The following PKHD1 variants were observed in gnomAD, a reference collection of about 807,000 sequenced individuals.
PKHD1 encodes the protein PKHD1 ciliary IPT domain containing fibrocystin/polyductin.
A neutral mutation model predicts 412.0 loss-of-function variants in PKHD1; 291 were observed. The observed-to-expected ratio is 0.71, with a 90% CI of 0.64 to 0.78. The LOEUF (loss-of-function observed/expected upper bound fraction) is 0.78. Ranked by LOEUF, PKHD1 falls within the 30% of genes least tolerant of loss-of-function variation. PKHD1 has a pLI of 0.00. For missense variants in PKHD1, 4,825 were observed against 4,950.7 expected, an observed-to-expected ratio of 0.97 and a Z score of 0.76; for synonymous variants, 1,777 against 1,821.5, an observed-to-expected ratio of 0.98 and a Z score of 0.62.
chr6:51,931,144 C>A (rs1786508679), intron 37 of PKHD1, among the ~76,000 whole-genome samples: 1 of 152,084 alleles, frequency 6.6e-6, no homozygotes, highest in African/African-American at 2.4e-5. Context: ...CCACTTGAAC[C>A]AGTGTTTCTC....
chr6:51,645,608 G>A (rs1769992436), intron 63 of PKHD1, among the ~76,000 whole-genome samples: 1 of 152,084 alleles, frequency 6.6e-6, no homozygotes, highest in Non-Finnish European at 1.5e-5. Context: ...TGGCCAGGCT[G>A]GTCTCAAATG....
chr6:52,020,519 T>A (rs928143607), intron 33 of PKHD1, among the ~76,000 whole-genome samples: 1 of 152,232 alleles, frequency 6.6e-6, no homozygotes, highest in Non-Finnish European at 1.5e-5. Flanking sequence ...TCTGATTCAG[T>A]AGGGCCCAAG....
chr6:51,940,320 G>A (rs914747816), intron 36 of PKHD1, among the ~76,000 whole-genome samples: 4 of 151,692 alleles, frequency 2.6e-5, no homozygotes, highest in Non-Finnish European at 5.9e-5. Flanking sequence ...AAGTAGCAAT[G>A]TATTTCTGAG....
chr6:52,042,908 A>G lies in PKHD1; in HGVS notation c.3048T>C (p.Asn1016=), dbSNP rs138989655. The G allele has an allele frequency of 2.7e-4, 428 of 1,613,984 alleles. 1 individual carries two copies. The Middle Eastern group carries it at 3.0e-3, about 11-fold the overall frequency. The change falls in exon 27 of 67, where the codon AAT becomes AAC. Residue 1016 remains asparagine, a synonymous_variant. Transcript: ENST00000371117. The stretch of plus-strand genomic sequence containing the variant: ...CCACCATATCCAGTCTAGGTTTCAC[A>G]TTTAGGAAGAGGTCTTCTCCAGTGG... ...ISATGEDLFL[N]VKPRLDMVEP...
At position 52,054,024 on chromosome 6, in the gene PKHD1, C is replaced by A; in HGVS notation, c.1964+14G>T. Reference sequence around the variant, plus strand: ...TGACTGAATTCCCACCACGCCTCCCCACCGATTAGCTACCTCTCGGGGCTG... The same window carrying A: ...TGACTGAATTCCCACCACGCCTCCCAACCGATTAGCTACCTCTCGGGGCTG... On this transcript the variant is annotated intron_variant, in intron 20 of 66. Coordinates refer to ENST00000371117, the MANE Select transcript of PKHD1 (RefSeq NM_138694.4). The A allele has an allele frequency of 6.2e-6, 10 of 1,613,768 alleles. No individual in the cohort carries two copies. The highest frequency in any genetic ancestry group is 8.5e-6 in the Non-Finnish European group (10 of 1,179,756).
rs1351918391 is a variant in PKHD1, at chr6:51,753,200, C to T, written c.8950+1G>A. 5 of 1,613,306 alleles carry T rather than the reference C, an allele frequency of 3.1e-6. No homozygotes were observed. The highest frequency in any genetic ancestry group is 4.2e-6 in the Non-Finnish European group (5 of 1,179,430). The stretch of plus-strand genomic sequence containing the variant: ...GGCCAATTACTTAAAATTTCATTTA[C>T]CTGAAAATTCTTCTCGGCTGGACTT... On this transcript the variant is annotated splice_donor_variant, in intron 57 of 66. Coordinates refer to ENST00000371117, the MANE Select transcript of PKHD1 (RefSeq NM_138694.4). LOFTEE classifies it high-confidence loss of function.
intron 33 of PKHD1, among the ~76,000 whole-genome samples, chr6:52,020,886 G>C (rs1352290609): frequency 6.8e-6 from 1 of 147,346 alleles, no homozygotes; most frequent in Admixed American, 6.9e-5. Context: ...TTTGACATTT[G>C]ATGTCCATTA....
chr6:51,677,713 T>C (rs1776066528), intron 60 of PKHD1, among the ~76,000 whole-genome samples: 1 of 152,180 alleles, frequency 6.6e-6, no homozygotes, highest in South Asian at 2.1e-4. Flanking sequence ...TATCTCAAAA[T>C]ATTTGTTCTC....
intron 52 of PKHD1, among the ~76,000 whole-genome samples, chr6:51,810,918 T>C (rs1186162116): frequency 6.6e-6 from 1 of 152,228 alleles, no homozygotes; most frequent in Non-Finnish European, 1.5e-5. Context: ...AGATTATTTT[T>C]CCTGATATTC....
At chr6:51,698,159 G>A (rs1037041201) in intron 60 of PKHD1, among the ~76,000 whole-genome samples, 2 of 152,148 alleles carry the variant, frequency 1.3e-5, no homozygotes, top group African/African-American at 4.8e-5. Flanking sequence ...AACAGGAAGA[G>A]GCTGATTTGC....
At chr6:51,855,640 C>T (rs538603067) in intron 49 of PKHD1, among the ~76,000 whole-genome samples, 1 of 152,228 alleles carries the variant, frequency 6.6e-6, no homozygotes, top group East Asian at 1.9e-4. Context: ...AATTTTCAGG[C>T]GTAACCATTC....
At chr6:51,894,181 G>T (rs909963040) in intron 43 of PKHD1, among the ~76,000 whole-genome samples, 3 of 152,200 alleles carry the variant, frequency 2.0e-5, no homozygotes, top group African/African-American at 7.2e-5. Flanking sequence ...AGGGAAGACA[G>T]CCTGAGGGTG....
In PKHD1 at chr6:52,084,185, T is replaced by C. The variant is rs117547473; in HGVS notation, c.52+697A>G. Among the ~76,000 whole-genome samples the C allele has an allele frequency of 4.3e-4, 66 of 152,324 alleles. No homozygotes were observed. The East Asian group carries it at 0.012, about 28-fold the overall frequency. On this transcript the variant is annotated intron_variant, in intron 2 of 66. Transcript: ENST00000371117. ...ACAAGGAAAGTGTTACCGACAGAAT[T>C]ATTTATAGTTTCTTTAGAAGAAACT...
intron 52 of PKHD1, among the ~76,000 whole-genome samples, chr6:51,795,382 C>A (rs1794442851): frequency 6.6e-6 from 1 of 152,122 alleles, no homozygotes; most frequent in Non-Finnish European, 1.5e-5. Context: ...GATTTTGTAT[C>A]CTGAGATTTT....
intron 52 of PKHD1, among the ~76,000 whole-genome samples, chr6:51,827,285 G>A (rs936606265): frequency 2.6e-5 from 4 of 152,124 alleles, no homozygotes; most frequent in African/African-American, 9.7e-5. Context: ...AAGGAAAAGA[G>A]CACCTGATAC....
chr6:51,855,397 C>T lies in PKHD1; in HGVS notation c.7911+496G>A, dbSNP rs569204450. 5.2e-4 allele frequency among the ~76,000 whole-genome samples: 79 copies of T among 152,324 alleles called. 1 individual carries two copies. The South Asian group carries it at 5.6e-3, about 11-fold the overall frequency. On this transcript the variant is annotated intron_variant, in intron 49 of 66. Transcript: ENST00000371117. ...CACGGCCATTTCTATCTTCACTGCT[C>T]TTATTTGTCTCCCTTAACCCAATCC...
At chr6:51,897,251 G>A (rs1780240377) in intron 43 of PKHD1, among the ~76,000 whole-genome samples, 2 of 151,910 alleles carry the variant, frequency 1.3e-5, no homozygotes, top group Non-Finnish European at 2.9e-5. Flanking sequence ...AAATGTTAAG[G>A]GCAGCCAGAG....
At chr6:52,053,562 T>A (rs960195462) in intron 20 of PKHD1, among the ~76,000 whole-genome samples, 1 of 152,246 alleles carries the variant, frequency 6.6e-6, no homozygotes, top group Non-Finnish European at 1.5e-5. Flanking sequence ...AATGTGAGGC[T>A]GTAACCACAG....
At position 51,668,519 on chromosome 6, in the gene PKHD1, T is replaced by C. The variant is rs534743504; in HGVS notation, c.10157-8550A>G. ...GGGACAATTTGACTTCCTCTTTTCC[T>C]AATTGAATACCCTTTATTTCCTTCT... On this transcript the variant is annotated intron_variant, in intron 60 of 66. Coordinates refer to ENST00000371117, the MANE Select transcript of PKHD1 (RefSeq NM_138694.4). 8.6e-4 allele frequency among the ~76,000 whole-genome samples: 131 copies of C among 152,284 alleles called. 1 individual carries two copies. The highest frequency in any genetic ancestry group is 3.0e-3 in the African/African-American group (124 of 41,558).
Sources: allele counts gnomAD v4.1 joint callset (sites outside exome capture counted in the v4.1 genomes callset), GRCh38; gene constraint gnomAD v4.1.1; transcripts MANE v1.5; gene names NCBI Gene and HGNC (gene_info 2026-07-23, HGNC 2026-07-21).